CAST: variants seen among roughly 807,000 people sequenced by gnomAD.
CAST encodes the protein calpastatin.
In CAST, 76 loss-of-function variants were observed where a neutral mutation model predicts 119.6. That is an observed-to-expected ratio of 0.64 (90% CI 0.53 to 0.77). The LOEUF (loss-of-function observed/expected upper bound fraction) is 0.77, where lower values mean the gene tolerates loss of function less well. Among genes scored for constraint, CAST ranks in the 30% least tolerant of loss-of-function variants. CAST has a pLI of 0.00. For missense variants in CAST, 953 were observed against 946.5 expected (o/e 1.01, Z -0.09); for synonymous variants, 319 against 331.6 (o/e 0.96, Z 0.41).
upstream of CAST, chr5:96,525,290 G>C (rs934447856): frequency 1.3e-5 from 2 of 152,236 alleles, no homozygotes; most frequent in African/African-American, 4.8e-5. Context: ...TTGGGGTGCA[G>C]ATGGAGGGAT....
chr5:96,295,356 C>A, the CAST span, among the ~76,000 whole-genome samples: 8 of 152,114 alleles, frequency 5.3e-5, no homozygotes, highest in African/African-American at 1.7e-4. Context: ...AAAAGTAGTA[C>A]AATGCAACCT....
At chr5:96,599,973 A>AAAATAAAAAACAAAAC (rs1747117482) in intron 1 of CAST, among the ~76,000 whole-genome samples, 1 of 90,084 alleles carries the variant, frequency 1.1e-5, no homozygotes, top group African/African-American at 3.0e-5. Flanking sequence ...AGGCAAAAAA[A>AAAATAAAAAACAAAAC]AAAAAAAAAA....
chr5:96,264,479 A>T, the CAST span, among the ~76,000 whole-genome samples: 1 of 137,118 alleles, frequency 7.3e-6, no homozygotes, highest in African/African-American at 2.6e-5. Context: ...CTCTTTCTTG[A>T]TAGTCAGGGT....
chr5:95,972,754 T>A, the CAST span, among the ~76,000 whole-genome samples: 1 of 152,234 alleles, frequency 6.6e-6, no homozygotes, highest in Non-Finnish European at 1.5e-5. Context: ...CTGATAGTGC[T>A]TTTGGTGTTA....
chr5:96,514,244 C>T, the CAST span, among the ~76,000 whole-genome samples: 1 of 152,110 alleles, frequency 6.6e-6, no homozygotes, highest in Non-Finnish European at 1.5e-5. Flanking sequence ...TTTTTTCATA[C>T]TGCATTAGTT....
the CAST span, chr5:95,961,694 G>T: frequency 6.2e-7 from 1 of 1,602,506 alleles, no homozygotes; most frequent in Non-Finnish European, 8.5e-7. Context: ...TGCTCCTCCC[G>T]CAGGCCCCCT....
the CAST span, among the ~76,000 whole-genome samples, chr5:95,976,955 C>A: frequency 3.9e-5 from 6 of 152,130 alleles, no homozygotes; most frequent in African/African-American, 1.4e-4. Flanking sequence ...TGACTTTGGG[C>A]AAGTTATTTA....
chr5:96,207,218 T>C, the CAST span, among the ~76,000 whole-genome samples: 1 of 152,152 alleles, frequency 6.6e-6, no homozygotes, highest in Non-Finnish European at 1.5e-5. Flanking sequence ...CTATAGGGTT[T>C]TCTCAGTATA....
chr5:96,440,077 C>T, the CAST span, among the ~76,000 whole-genome samples: 1 of 151,918 alleles, frequency 6.6e-6, no homozygotes, highest in African/African-American at 2.4e-5. Flanking sequence ...TCTGGCTTCT[C>T]TTTATAAACT....
chr5:96,485,703 A>G, the CAST span, among the ~76,000 whole-genome samples: 1 of 152,128 alleles, frequency 6.6e-6, no homozygotes, highest in Admixed American at 6.6e-5. Flanking sequence ...TGTTTAATTT[A>G]TTTGTTGCCT....
intron 24 of CAST, chr5:96,762,040 A>G (rs1398273127): frequency 8.7e-6 from 3 of 346,100 alleles, no homozygotes; most frequent in Non-Finnish European, 1.6e-5. Flanking sequence ...ATATTATTGC[A>G]TAGTATTTAG....
chr5:96,528,690 T>C (rs1468442244), upstream of CAST, among the ~76,000 whole-genome samples: 2 of 152,366 alleles, frequency 1.3e-5, no homozygotes, highest in Non-Finnish European at 2.9e-5. Context: ...TTTCTGAGAA[T>C]TGTTTTCATT....
At chr5:96,592,698 T>C (rs966960931) in intron 1 of CAST, among the ~76,000 whole-genome samples, 1 of 152,186 alleles carries the variant, frequency 6.6e-6, no homozygotes, top group Non-Finnish European at 1.5e-5. Context: ...ATTGTTCCAA[T>C]GACACTCGTA....
At chr5:96,238,324 T>TCTTCTTCTTCTTCTTCTTCTG in the CAST span, among the ~76,000 whole-genome samples, 1 of 41,142 alleles carries the variant, frequency 2.4e-5, no homozygotes, top group Non-Finnish European at 5.8e-5. Flanking sequence ...TTCTTCTTCT[T>TCTTCTTCTTCTTCTTCTTCTG]CTTCTTCTTC....
the CAST span, among the ~76,000 whole-genome samples, chr5:96,277,826 T>C: frequency 1.3e-5 from 2 of 152,074 alleles, no homozygotes; most frequent in Non-Finnish European, 2.9e-5. Context: ...GTATTTATAG[T>C]CTTAAACATT....
rs548930888 is a variant in CAST, at chr5:96,764,659, A to C, written c.1933-562A>C. 5.3e-5 allele frequency among the ~76,000 whole-genome samples: 8 copies of C among 152,250 alleles called. No homozygotes were observed. The South Asian group carries it at 1.7e-3, about 32-fold the overall frequency. On this transcript the variant is annotated intron_variant, in intron 25 of 31. Coordinates refer to ENST00000675179, the MANE Select transcript of CAST (RefSeq NM_001750.7). ...GCAGTGCCGAGCTCCATGGCTTCCC[A>C]CAAACTGCGGGTCACGCTGCACTTT... is the stretch of plus-strand genomic sequence containing the variant.
At chr5:96,548,034 A>G (rs555068833) in intron 1 of CAST, among the ~76,000 whole-genome samples, 32 of 152,348 alleles carry the variant, frequency 2.1e-4, no homozygotes, top group African/African-American at 6.5e-4. Context: ...ATTACCTGCA[A>G]TCATAATCTC....
chr5:96,762,469 A>AT (rs1768351611), intron 25 of CAST, 97 bp downstream of exon 25: 2 of 764,248 alleles, frequency 2.6e-6, no homozygotes, highest in Non-Finnish European at 4.1e-6. Flanking sequence ...AAATAGGCAG[A>AT]ATTATTAGGA....
chr5:96,261,460 G>T, the CAST span, among the ~76,000 whole-genome samples: 3 of 152,190 alleles, frequency 2.0e-5, no homozygotes, highest in East Asian at 5.8e-4. Flanking sequence ...ATAGGGAAAG[G>T]CTATACATGA....
Sources: allele counts gnomAD v4.1 joint callset (sites outside exome capture counted in the v4.1 genomes callset), GRCh38; gene constraint gnomAD v4.1.1; transcripts MANE v1.5; gene names NCBI Gene and HGNC (gene_info 2026-07-23, HGNC 2026-07-21).